The following NLGN1 variants were observed in gnomAD, a reference collection of about 807,000 sequenced individuals.
The protein encoded by NLGN1 is neuroligin 1.
Under a neutral mutation model 65.5 loss-of-function variants are expected in NLGN1, and 12 were observed. That is an observed-to-expected ratio of 0.18 (90% CI 0.12 to 0.30). The LOEUF is 0.30. NLGN1 is among the 10% of genes least tolerant of loss of function. The pLI is 1.00. For synonymous variants in NLGN1, 350 were observed against 359.5 expected (o/e 0.97, Z 0.30); for missense variants, 750 against 1,007.1 (o/e 0.74, Z 3.46).
chr3:174,158,170 A>C (rs1725812330), intron 4 of NLGN1, among the ~76,000 whole-genome samples: 1 of 151,734 alleles, frequency 6.6e-6, no homozygotes, highest in African/African-American at 2.4e-5. Flanking sequence ...TCACTCCTCA[A>C]ATCAATTACA....
intron 4 of NLGN1, among the ~76,000 whole-genome samples, chr3:174,195,916 C>T (rs186517045): frequency 6.6e-6 from 1 of 152,246 alleles, no homozygotes; most frequent in Non-Finnish European, 1.5e-5. Flanking sequence ...TCACCAAATG[C>T]CACACCTGGA....
At chr3:173,845,946 A>C (rs562709913) in intron 4 of NLGN1, among the ~76,000 whole-genome samples, 1 of 152,052 alleles carries the variant, frequency 6.6e-6, no homozygotes, top group East Asian at 1.9e-4. Context: ...TAGGATGGTA[A>C]TTTCCATTCT....
chr3:174,066,560 C>CTGTGTGTGTGTGTG (rs1326570279), intron 4 of NLGN1, among the ~76,000 whole-genome samples: 2 of 133,924 alleles, frequency 1.5e-5, no homozygotes, highest in African/African-American at 6.2e-5. Context: ...CTCTCTCTCT[C>CTGTGTGTGTGTGTG]TCTCTGTGTG....
chr3:173,647,142 A>G (rs1471574065), intron 3 of NLGN1, among the ~76,000 whole-genome samples: 2 of 152,162 alleles, frequency 1.3e-5, no homozygotes, highest in Non-Finnish European at 2.9e-5. Flanking sequence ...AAGAAGACAT[A>G]ACAAGCCTAA....
chr3:174,058,962 G>T (rs1055107000), intron 4 of NLGN1, among the ~76,000 whole-genome samples: 5 of 152,102 alleles, frequency 3.3e-5, no homozygotes, highest in African/African-American at 1.2e-4. Flanking sequence ...AACCCTGCAG[G>T]CTTGAGGATG....
intron 4 of NLGN1, among the ~76,000 whole-genome samples, chr3:174,242,131 GTGATTT>G (rs1742992575): frequency 6.6e-6 from 1 of 152,174 alleles, no homozygotes; most frequent in Non-Finnish European, 1.5e-5. Flanking sequence ...TACCAGCAGT[GTGATTT>G]TAATGTGTTG....
intron 4 of NLGN1, among the ~76,000 whole-genome samples, chr3:173,976,103 A>C (rs13069315): frequency 6.6e-6 from 1 of 152,068 alleles, no homozygotes; most frequent in Non-Finnish European, 1.5e-5. Context: ...TAAATATTCT[A>C]CAACTCTACA....
intron 3 of NLGN1, among the ~76,000 whole-genome samples, chr3:173,665,598 G>A (rs1323700866): frequency 6.6e-6 from 1 of 152,122 alleles, no homozygotes; most frequent in African/African-American, 2.4e-5. Flanking sequence ...TCTCGCATGT[G>A]TAAACAGTGC....
At chr3:173,525,253 TG>T (rs1735445237) in intron 2 of NLGN1, among the ~76,000 whole-genome samples, 1 of 151,984 alleles carries the variant, frequency 6.6e-6, no homozygotes. Context: ...TTGTTGTTGT[TG>T]TTGTTGTTGG....
In NLGN1 at chr3:173,804,968, A is replaced by G. The variant is rs533683050; in HGVS notation, c.494-2712A>G. 2.8e-3 allele frequency among the ~76,000 whole-genome samples: 427 copies of G among 152,188 alleles called. 5 individuals are homozygous for G. The highest frequency in any genetic ancestry group is 0.027 in the South Asian group (131 of 4,826). ...TTGAACACTGGAGGTGGAGGTTGCA[A>G]TGAGTTGAGATCACGCCACTGCACT... On this transcript the variant is annotated intron_variant, in intron 3 of 6. Transcript: ENST00000457714.
chr3:174,255,435 C>CAAAA (rs71162383), intron 4 of NLGN1, among the ~76,000 whole-genome samples: 25,473 of 69,964 alleles, frequency 0.36, 4,669 homozygotes, highest in East Asian at 0.4. Context: ...GACTCTGTCT[C>CAAAA]AAAAAAAAAA....
chr3:174,081,379 A>C (rs531818449), intron 4 of NLGN1, among the ~76,000 whole-genome samples: 43 of 152,224 alleles, frequency 2.8e-4, no homozygotes, highest in African/African-American at 1.0e-3. Context: ...GAAGTTCAAG[A>C]TCAAGGCACC....
chr3:173,759,678 C>T (rs903162928), intron 3 of NLGN1, among the ~76,000 whole-genome samples: 3 of 151,904 alleles, frequency 2.0e-5, no homozygotes. Context: ...TGGGGTTGTT[C>T]ATCATACTTC....
intron 2 of NLGN1, among the ~76,000 whole-genome samples, chr3:173,522,712 T>C (rs755598949): frequency 7.9e-5 from 12 of 152,148 alleles, no homozygotes; most frequent in Non-Finnish European, 1.3e-4. Flanking sequence ...CGATTACAGG[T>C]GTGAGCCACC....
chr3:173,414,717 T>C (rs1713328335), intron 1 of NLGN1, among the ~76,000 whole-genome samples: 1 of 152,086 alleles, frequency 6.6e-6, no homozygotes, highest in African/African-American at 2.4e-5. Flanking sequence ...CATTAATGTC[T>C]TTGGGGAGAG....
intron 2 of NLGN1, among the ~76,000 whole-genome samples, chr3:173,573,240 C>G (rs567234905): frequency 7.9e-5 from 12 of 152,074 alleles, no homozygotes; most frequent in Non-Finnish European, 1.6e-4. Context: ...TTTCAGTTTT[C>G]TGACTTGTAA....
intron 4 of NLGN1, among the ~76,000 whole-genome samples, chr3:174,160,609 A>G (rs1577154122): frequency 1.3e-5 from 2 of 151,282 alleles, no homozygotes; most frequent in African/African-American, 4.8e-5. Flanking sequence ...TAAAATTTTG[A>G]GTGTGAACAC....
chr3:174,236,047 C>T (rs1473322543), intron 4 of NLGN1, among the ~76,000 whole-genome samples: 1 of 152,146 alleles, frequency 6.6e-6, no homozygotes, highest in Non-Finnish European at 1.5e-5. Context: ...TTCTTCAATA[C>T]TTAGATTGTG....
At chr3:173,836,034 C>T (rs1424422811) in intron 4 of NLGN1, among the ~76,000 whole-genome samples, 1 of 152,142 alleles carries the variant, frequency 6.6e-6, no homozygotes, top group African/African-American at 2.4e-5. Context: ...AAGGAAAGCT[C>T]CACTGATAGT....
Sources: allele counts gnomAD v4.1 joint callset (sites outside exome capture counted in the v4.1 genomes callset), GRCh38; gene constraint gnomAD v4.1.1; transcripts MANE v1.5; gene names NCBI Gene and HGNC (gene_info 2026-07-23, HGNC 2026-07-21).